The following SHISA9 variants were observed in gnomAD, a reference collection of about 807,000 sequenced individuals.
The protein encoded by SHISA9 is shisa family member 9.
Under a neutral mutation model 38.0 loss-of-function variants are expected in SHISA9, and 13 were observed. That is an observed-to-expected ratio of 0.34 (90% confidence interval 0.22 to 0.54). The LOEUF (loss-of-function observed/expected upper bound fraction) is 0.54, where lower values mean the gene tolerates loss of function less well. Ranked by LOEUF, SHISA9 falls within the 20% of genes least tolerant of loss-of-function variation. The pLI, the probability that SHISA9 is intolerant of heterozygous loss-of-function variation, is 0.91. For missense variants in SHISA9, 538 were observed against 575.8 expected (o/e 0.93, Z 0.67); for synonymous variants, 275 against 242.0 (o/e 1.14, Z -1.27).
chr16:13,302,295 G>A, the SHISA9 span, among the ~76,000 whole-genome samples: 1 of 152,278 alleles, frequency 6.6e-6, no homozygotes, highest in South Asian at 2.1e-4. Context: ...GTGTATGTGT[G>A]CCTGTGAGTG....
At chr16:12,983,705 G>A (rs1000590576) in intron 2 of SHISA9, among the ~76,000 whole-genome samples, 9 of 152,124 alleles carry the variant, frequency 5.9e-5, no homozygotes, top group African/African-American at 1.9e-4. Flanking sequence ...AGCCAGGATG[G>A]TCTCGATCTC....
At chr16:13,227,268 G>C (rs1255295079) in intron 4 of SHISA9, among the ~76,000 whole-genome samples, 1 of 152,230 alleles carries the variant, frequency 6.6e-6, no homozygotes, top group African/African-American at 2.4e-5. Context: ...TGGATTACAG[G>C]AGGTGAAACA....
chr16:13,134,546 T>G (rs1195735977), intron 2 of SHISA9, among the ~76,000 whole-genome samples: 1 of 152,004 alleles, frequency 6.6e-6, no homozygotes, highest in Non-Finnish European at 1.5e-5. Flanking sequence ...GGGATAGGAT[T>G]TTTTTGTTTT....
intron 2 of SHISA9, among the ~76,000 whole-genome samples, chr16:13,032,382 C>T (rs111295499): frequency 7.9e-5 from 12 of 152,096 alleles, no homozygotes; most frequent in African/African-American, 2.9e-4. Flanking sequence ...CATAGTATTC[C>T]ATGGTGTATA....
chr16:13,552,807 A>G, the SHISA9 span, among the ~76,000 whole-genome samples: 1 of 152,032 alleles, frequency 6.6e-6, no homozygotes, highest in Non-Finnish European at 1.5e-5. Context: ...CTTCACTTCT[A>G]ATAATTGGCC....
At chr16:12,985,764 T>A (rs950024280) in intron 2 of SHISA9, among the ~76,000 whole-genome samples, 1 of 152,196 alleles carries the variant, frequency 6.6e-6, no homozygotes, top group African/African-American at 2.4e-5. Context: ...ATCTTTGACT[T>A]TCCTGTGCTT....
intron 2 of SHISA9, among the ~76,000 whole-genome samples, chr16:13,033,484 T>C (rs2073016412): frequency 6.6e-6 from 1 of 152,170 alleles, no homozygotes; most frequent in Non-Finnish European, 1.5e-5. Context: ...ATCCACATGA[T>C]CTTCATAATC....
At chr16:13,060,284 A>T (rs1224990047) in intron 2 of SHISA9, among the ~76,000 whole-genome samples, 1 of 152,196 alleles carries the variant, frequency 6.6e-6, no homozygotes, top group Non-Finnish European at 1.5e-5. Context: ...CTGGTGAGGA[A>T]GGTAATGATC....
At chr16:13,068,319 G>A (rs1266256002) in intron 2 of SHISA9, among the ~76,000 whole-genome samples, 3 of 152,224 alleles carry the variant, frequency 2.0e-5, no homozygotes, top group Admixed American at 6.5e-5. Context: ...TTGTGTGGCT[G>A]CAATCAGGCA....
At chr16:13,476,747 T>TTG in the SHISA9 span, among the ~76,000 whole-genome samples, 227 of 110,718 alleles carry the variant, frequency 2.1e-3, 2 homozygotes, top group African/African-American at 9.6e-3. Context: ...TGTTTTTTTT[T>TTG]TTTTTTTTTT....
the SHISA9 span, among the ~76,000 whole-genome samples, chr16:13,538,589 T>G: frequency 6.6e-5 from 10 of 152,192 alleles, no homozygotes; most frequent in Non-Finnish European, 1.3e-4. Flanking sequence ...TCTAAATGGT[T>G]ATGATGGACT....
At chr16:13,450,350 C>T in the SHISA9 span, among the ~76,000 whole-genome samples, 1,867 of 152,280 alleles carry the variant, frequency 0.012, 28 homozygotes, top group African/African-American at 0.039. Context: ...TCTGATAAGT[C>T]GAAGTGAATA....
intron 2 of SHISA9, among the ~76,000 whole-genome samples, chr16:13,140,207 T>C (rs1266004741): frequency 7.2e-6 from 1 of 139,362 alleles, no homozygotes; most frequent in Non-Finnish European, 1.5e-5. Context: ...GACAGAGTCT[T>C]GCTCTGTTAC....
chr16:13,145,317 G>C (rs1176090408), intron 2 of SHISA9, among the ~76,000 whole-genome samples: 1 of 152,148 alleles, frequency 6.6e-6, no homozygotes, highest in Non-Finnish European at 1.5e-5. Flanking sequence ...TTCAGGTCAG[G>C]AGTTCAAGAT....
chr16:13,412,323 C>T, the SHISA9 span, among the ~76,000 whole-genome samples: 2 of 152,112 alleles, frequency 1.3e-5, no homozygotes, highest in East Asian at 3.8e-4. Flanking sequence ...GGGCTGATTT[C>T]CCCGATGAAA....
At chr16:12,996,517 G>T (rs559152018) in intron 2 of SHISA9, among the ~76,000 whole-genome samples, 1 of 152,262 alleles carries the variant, frequency 6.6e-6, no homozygotes, top group South Asian at 2.1e-4. Flanking sequence ...CACTTTACCA[G>T]CATGGCCCCC....
chr16:13,291,034 C>T, the SHISA9 span, among the ~76,000 whole-genome samples: 1 of 152,108 alleles, frequency 6.6e-6, no homozygotes, highest in African/African-American at 2.4e-5. Context: ...GACCTGAGAT[C>T]TAATCTCTAG....
intron 2 of SHISA9, among the ~76,000 whole-genome samples, chr16:13,159,471 G>A (rs1567231246): frequency 6.6e-6 from 1 of 152,208 alleles, no homozygotes; most frequent in Non-Finnish European, 1.5e-5. Context: ...AGAAAGCCCA[G>A]TACTGTTTGG....
chr16:12,909,600 GCC>G, intron 1 of SHISA9: 1 of 985,232 alleles, frequency 1.0e-6, no homozygotes, highest in Non-Finnish European at 1.2e-6. Context: ...TGTTGCACTG[GCC>G]CTTGTGTGGC....
Sources: gnomAD v4.1 joint callset for allele counts (sites outside exome capture counted in the v4.1 genomes callset) on GRCh38, gnomAD v4.1.1 for gene constraint, MANE v1.5 for transcripts, NCBI Gene and HGNC (gene_info 2026-07-23, HGNC 2026-07-21) for gene names.